The following SLC30A9 variants were observed in gnomAD, a reference collection of about 807,000 sequenced individuals.
SLC30A9 encodes solute carrier family 30 member 9, also known as proton-coupled zinc antiporter SLC30A9, mitochondrial.
SLC30A9 carries 58 observed loss-of-function variants against 87.5 expected under a neutral mutation model. The ratio of observed to expected loss-of-function variants is 0.66; its 90% CI spans 0.54 to 0.82. The LOEUF (loss-of-function observed/expected upper bound fraction) is 0.82. SLC30A9 is among the 40% of genes least tolerant of loss of function. The pLI, the probability that SLC30A9 is intolerant of heterozygous loss-of-function variation, is 0.00. For missense variants in SLC30A9, 557 were observed against 679.1 expected (o/e 0.82, Z 2.00); for synonymous variants, 234 against 233.0 (o/e 1.00, Z -0.04).
chr4:41,992,047 T>C (rs1173148999), intron 1 of SLC30A9, among the ~76,000 whole-genome samples: 2 of 152,064 alleles, frequency 1.3e-5, no homozygotes, highest in Admixed American at 1.3e-4. Flanking sequence ...ACAGAATGAA[T>C]CATCGGCTGG....
chr4:42,064,577 A>G (rs1005871404), intron 11 of SLC30A9, among the ~76,000 whole-genome samples: 1 of 152,192 alleles, frequency 6.6e-6, no homozygotes, highest in Non-Finnish European at 1.5e-5. Flanking sequence ...TGGCCACTTT[A>G]TGGGTACTTC....
chr4:42,018,411 A>C, intron 3 of SLC30A9: 2 of 1,304,860 alleles, frequency 1.5e-6, no homozygotes, highest in South Asian at 2.7e-5. Context: ...ATAATGGCAA[A>C]TAAGAATCAT....
intron 15 of SLC30A9, 149 bp downstream of exon 15, chr4:42,070,840 A>C: frequency 1.8e-6 from 1 of 565,110 alleles, no homozygotes; most frequent in Non-Finnish European, 2.9e-6. Flanking sequence ...ATAATCCTGG[A>C]AGTAAGAAAG....
intron 1 of SLC30A9, among the ~76,000 whole-genome samples, chr4:41,991,516 C>T (rs1384847080): frequency 6.6e-6 from 1 of 152,216 alleles, no homozygotes; most frequent in Admixed American, 6.5e-5. Context: ...GCTTGACACA[C>T]ATTGCTTGAC....
chr4:42,035,541 A>G (rs1197815171), intron 7 of SLC30A9, among the ~76,000 whole-genome samples: 1 of 147,878 alleles, frequency 6.8e-6, no homozygotes, highest in Non-Finnish European at 1.5e-5. Flanking sequence ...CTTGTTGCCC[A>G]GGCTGGAGTG....
At position 42,009,545 on chromosome 4, in the gene SLC30A9, G is replaced by A. The variant is rs185785063; in HGVS notation, c.274+7765G>A. Reference sequence around the variant, plus strand: ...TTTGAGCTTAAAACAAATGTCTAGCGATATTCATGGATAGAATGTTTGGTT... The same window carrying A: ...TTTGAGCTTAAAACAAATGTCTAGCAATATTCATGGATAGAATGTTTGGTT... On this transcript the variant is annotated intron_variant, in intron 2 of 17. Transcript: ENST00000264451. Among the ~76,000 whole-genome samples, 263 of 152,316 alleles carry A rather than the reference G, an allele frequency of 1.7e-3. 1 individual carries two copies. Among genetic ancestry groups the A allele is most frequent in the Admixed American group, 3.9e-3 (59 of 15,310 alleles).
At chr4:42,068,245 CT>C (rs59683160) in intron 14 of SLC30A9, among the ~76,000 whole-genome samples, 89 of 142,244 alleles carry the variant, frequency 6.3e-4, no homozygotes, top group African/African-American at 6.7e-4. Flanking sequence ...GAACTTAACT[CT>C]TTTTTTTTTT....
intron 2 of SLC30A9, among the ~76,000 whole-genome samples, chr4:42,003,262 G>A (rs1715062140): frequency 6.6e-6 from 1 of 152,072 alleles, no homozygotes; most frequent in Admixed American, 6.5e-5. Flanking sequence ...TTTTCTAAAT[G>A]GTTTTCCTGT....
At chr4:42,070,745 A>G in intron 15 of SLC30A9, 54 bp downstream of exon 15, 2 of 1,452,046 alleles carry the variant, frequency 1.4e-6, no homozygotes, top group South Asian at 1.4e-5. Context: ...ATTAAAAAAC[A>G]GAAATGCCTG....
At chr4:42,039,753 G>A (rs558871378) in intron 8 of SLC30A9, among the ~76,000 whole-genome samples, 1 of 152,198 alleles carries the variant, frequency 6.6e-6, no homozygotes, top group Admixed American at 6.5e-5. Flanking sequence ...GAGCCACTGA[G>A]CCCGGCCTTG....
At chr4:42,016,030 G>A (rs1452088502) in intron 2 of SLC30A9, among the ~76,000 whole-genome samples, 16 of 152,036 alleles carry the variant, frequency 1.1e-4, no homozygotes, top group Admixed American at 1.0e-3. Flanking sequence ...CTATGCCCCA[G>A]TTTCCTCATA....
chr4:41,996,392 C>T (rs373077858), intron 1 of SLC30A9, among the ~76,000 whole-genome samples: 12 of 152,020 alleles, frequency 7.9e-5, no homozygotes, highest in Admixed American at 5.9e-4. Flanking sequence ...TGCACCTGGC[C>T]GAAATTTGAG....
intron 9 of SLC30A9, among the ~76,000 whole-genome samples, chr4:42,052,849 C>T (rs576429738): frequency 6.6e-6 from 1 of 152,234 alleles, no homozygotes; most frequent in South Asian, 2.1e-4. Flanking sequence ...GACACAGAAA[C>T]AATATCATAA....
intron 1 of SLC30A9, among the ~76,000 whole-genome samples, chr4:42,000,220 T>C (rs1714921058): frequency 8.5e-6 from 1 of 118,324 alleles, no homozygotes; most frequent in Admixed American, 1.0e-4. Context: ...TATGAAAATA[T>C]TTCATCAGTG....
chr4:42,051,206 A>G (rs1224604775), intron 9 of SLC30A9, among the ~76,000 whole-genome samples: 2 of 152,292 alleles, frequency 1.3e-5, no homozygotes, highest in Admixed American at 1.3e-4. Flanking sequence ...ATTATTCTTA[A>G]CGTAAAGGCT....
intron 14 of SLC30A9, among the ~76,000 whole-genome samples, chr4:42,067,557 T>C (rs574702581): frequency 6.6e-6 from 1 of 152,350 alleles, no homozygotes; most frequent in South Asian, 2.1e-4. Flanking sequence ...ATATGAGAGT[T>C]TTAATAAACT....
At chr4:42,019,599 T>C (rs74448162) in intron 3 of SLC30A9, among the ~76,000 whole-genome samples, 3,980 of 152,254 alleles carry the variant, frequency 0.026, 76 homozygotes, top group African/African-American at 0.043. Flanking sequence ...CTTTTTTGAC[T>C]GTAACCCACA....
At chr4:41,995,565 A>AT (rs1714663850) in intron 1 of SLC30A9, among the ~76,000 whole-genome samples, 1 of 152,182 alleles carries the variant, frequency 6.6e-6, no homozygotes, top group Non-Finnish European at 1.5e-5. Context: ...ATTTCATTCG[A>AT]TAAGATGGCC....
intron 8 of SLC30A9, among the ~76,000 whole-genome samples, chr4:42,046,200 C>G (rs1264597847): frequency 6.6e-6 from 1 of 152,186 alleles, no homozygotes; most frequent in Non-Finnish European, 1.5e-5. Context: ...TCTCTCACCA[C>G]TCCTATTCAA....
Sources: gnomAD v4.1 joint callset for allele counts (sites outside exome capture counted in the v4.1 genomes callset) on GRCh38, gnomAD v4.1.1 for gene constraint, MANE v1.5 for transcripts, NCBI Gene and HGNC (gene_info 2026-07-23, HGNC 2026-07-21) for gene names.